CSNK1A1: variants seen among roughly 807,000 people sequenced by gnomAD.
CSNK1A1 encodes the protein casein kinase 1 alpha 1.
CSNK1A1 carries 7 observed loss-of-function variants against 46.1 expected under a neutral mutation model. The observed-to-expected ratio is 0.15, with a 90% CI of 0.09 to 0.29. CSNK1A1 has a LOEUF of 0.29. Among genes scored for constraint, CSNK1A1 ranks in the 10% least tolerant of loss-of-function variants. The pLI is 1.00. For missense variants in CSNK1A1, 96 were observed against 417.1 expected, an observed-to-expected ratio of 0.23 and a Z score of 6.71; for synonymous variants, 137 against 141.5, an observed-to-expected ratio of 0.97 and a Z score of 0.23.
intron 9 of CSNK1A1, chr5:149,502,520 T>TGGGGGGGGGGGG (rs61707983): frequency 4.6e-5 from 1 of 21,896 alleles, no homozygotes; most frequent in Non-Finnish European, 6.5e-5. Flanking sequence ...TTTTTTTTTT[T>TGGGGGGGGGGGG]GGGGGGGGGG....
At chr5:149,516,377 A>T (rs1300984640) in intron 4 of CSNK1A1, among the ~76,000 whole-genome samples, 4 of 152,054 alleles carry the variant, frequency 2.6e-5, no homozygotes, top group Non-Finnish European at 5.9e-5. Context: ...CCAAAAACCA[A>T]AAAAAGTAGG....
chr5:149,497,522 A>G (rs1425863886), intron 9 of CSNK1A1: 18 of 985,492 alleles, frequency 1.8e-5, no homozygotes, highest in Non-Finnish European at 2.0e-5. Context: ...CTCCACCACA[A>G]GTAGACCCTA....
At chr5:149,549,252 G>A (rs186867275) in intron 2 of CSNK1A1, 102 of 505,244 alleles carry the variant, frequency 2.0e-4, no homozygotes, top group East Asian at 1.7e-3. Flanking sequence ...AGTTGGTGCT[G>A]CTCAAACTGC....
intron 2 of CSNK1A1, among the ~76,000 whole-genome samples, chr5:149,538,655 G>A (rs538738135): frequency 1.3e-5 from 2 of 152,294 alleles, no homozygotes; most frequent in African/African-American, 4.8e-5. Flanking sequence ...GGGCACAGCG[G>A]CTCACATCTG....
At chr5:149,515,031 A>T (rs1353006318) in intron 4 of CSNK1A1, among the ~76,000 whole-genome samples, 2 of 152,262 alleles carry the variant, frequency 1.3e-5, no homozygotes, top group African/African-American at 4.8e-5. Flanking sequence ...TATTAAAATG[A>T]GCAAAATACA....
In CSNK1A1 at chr5:149,520,365, C is replaced by G; in HGVS notation, c.381G>C (p.Val127=). The change falls in exon 4 of 10, where the codon GTG becomes GTC. Residue 127 remains valine, a synonymous_variant. Coordinates refer to ENST00000377843, the MANE Select transcript of CSNK1A1 (RefSeq NM_001892.6). ...ADQMISRIEY[V]HTKNFIHRDI... ...CTCTGTGTATAAAATTCTTTGTATG[C>G]ACATATTCAATTCTACTGATCATCT... 6.2e-7 allele frequency: 1 copy of G among 1,603,394 alleles called. No individual in the cohort carries two copies.
At chr5:149,501,407 T>C (rs1030614960) in intron 9 of CSNK1A1, 10 of 985,382 alleles carry the variant, frequency 1.0e-5, no homozygotes. Flanking sequence ...GGTGTGCTGC[T>C]GAGTGACCAG....
At chr5:149,508,815 CTGTT>C (rs1032897912) in intron 7 of CSNK1A1, among the ~76,000 whole-genome samples, 1 of 152,172 alleles carries the variant, frequency 6.6e-6, no homozygotes, top group African/African-American at 2.4e-5. Flanking sequence ...TTTACCTGCC[CTGTT>C]TATTTACCCC....
At chr5:149,536,931 T>C (rs1201829717) in intron 2 of CSNK1A1, among the ~76,000 whole-genome samples, 1 of 152,224 alleles carries the variant, frequency 6.6e-6, no homozygotes, top group East Asian at 1.9e-4. Flanking sequence ...TGTGACTCTG[T>C]GTAAGTGATT....
At position 149,550,053 on chromosome 5, in the gene CSNK1A1, C is replaced by A. The variant is rs755105191; in HGVS notation, c.230+22G>T. On this transcript the variant is annotated intron_variant, in intron 2 of 9. Transcript: ENST00000377843. The surrounding 1 kb of genome is among the most constrained non-coding windows in gnomAD (Gnocchi z 4.3). ...ATTCCGTGCTTCCCTCAGCGGATCG[C>A]CTATATGCACCGGGTTCTTACCGTA... 7.5e-6 allele frequency: 12 copies of A among 1,610,066 alleles called. No individual in the cohort carries two copies. Among genetic ancestry groups the A allele is most frequent in the Middle Eastern group, 1.7e-4 (1 of 5,926 alleles).
chr5:149,550,923 T>A lies in CSNK1A1; in HGVS notation c.42A>T (p.Gly14=). The change falls in exon 1 of 10, where the codon GGA becomes GGT. Residue 14 remains glycine (G), a synonymous_variant. Transcript: ENST00000377843. The surrounding 1 kb of genome is among the most constrained non-coding windows in gnomAD (Gnocchi z 4.3). ...SSGSKAEFIV[G]GKYKLVRKIG... ...TCTTCCGTACCAGTTTATATTTCCC[T>A]CCGACAATGAATTCAGCCTTGGAGC... The A allele has an allele frequency of 1.2e-6, 2 of 1,614,116 alleles. No individual in the cohort carries two copies. The highest frequency in any genetic ancestry group is 1.7e-6 in the Non-Finnish European group (2 of 1,179,998).
rs575392326 is a variant in CSNK1A1, at chr5:149,518,947, GA to G, written c.456+1342del. 2.1e-3 allele frequency among the ~76,000 whole-genome samples: 324 copies of G among 152,080 alleles called. 1 individual carries two copies. The highest frequency in any genetic ancestry group is 7.7e-3 in the African/African-American group (318 of 41,504). ...AAGAAAACAGGAAGGAGAGGGCTGG[GA>G]AATGGCCAAGAAGATTGGAGTCAAA... On this transcript the variant is annotated intron_variant, in intron 4 of 9. Coordinates refer to ENST00000377843, the MANE Select transcript of CSNK1A1 (RefSeq NM_001892.6).
In CSNK1A1 at chr5:149,551,235, CCTCGCTT is replaced by C. The variant is rs761989808; in HGVS notation, c.-278_-272del. On this transcript the variant is annotated 5_prime_UTR_variant, in exon 1 of 10. Coordinates refer to ENST00000377843, the MANE Select transcript of CSNK1A1 (RefSeq NM_001892.6). ...ACTTGTTTCTCGGCGGCCGCCGCTG[CCTCGCTT>C]GCGCGGCGACGTCGCGGGCTGGAAA... 6.7e-5 allele frequency: 22 copies of C among 327,162 alleles called. No individual in the cohort carries two copies. Among genetic ancestry groups the C allele is most frequent in the Non-Finnish European group, 1.1e-4 (20 of 175,406 alleles). The allele number at this position is 327,162 out of a possible 1,614,324, so 20.3% of individuals were successfully genotyped here.
At chr5:149,542,189 C>A (rs181280263) in intron 2 of CSNK1A1, among the ~76,000 whole-genome samples, 1 of 151,842 alleles carries the variant, frequency 6.6e-6, no homozygotes, top group Non-Finnish European at 1.5e-5. Flanking sequence ...CTGCTGTGAA[C>A]TGCACATCAG....
intron 7 of CSNK1A1, among the ~76,000 whole-genome samples, chr5:149,508,381 A>G (rs949246475): frequency 6.6e-6 from 1 of 152,068 alleles, no homozygotes. Context: ...GAGACTGAAA[A>G]CAATCTCACC....
chr5:149,521,691 A>C (rs1479659721), intron 3 of CSNK1A1, among the ~76,000 whole-genome samples: 1 of 150,608 alleles, frequency 6.6e-6, no homozygotes, highest in Admixed American at 6.6e-5. Context: ...ATTTTGGCTC[A>C]CTGCAACCTC....
chr5:149,532,088 A>G (rs1761919365), intron 2 of CSNK1A1, among the ~76,000 whole-genome samples: 1 of 151,900 alleles, frequency 6.6e-6, no homozygotes, highest in South Asian at 2.1e-4. Context: ...CATGTTGGCC[A>G]GGCTGATTTT....
intron 2 of CSNK1A1, among the ~76,000 whole-genome samples, chr5:149,547,242 C>T (rs1475942368): frequency 6.6e-6 from 1 of 152,194 alleles, no homozygotes; most frequent in African/African-American, 2.4e-5. Context: ...CACCCACAGA[C>T]AGCTTATAAC....
chr5:149,514,549 T>C (rs1005471969), intron 4 of CSNK1A1, among the ~76,000 whole-genome samples: 1 of 152,208 alleles, frequency 6.6e-6, no homozygotes, highest in Admixed American at 6.5e-5. Flanking sequence ...CTCCTAAATT[T>C]TGTAGTTCTT....
Sources: gnomAD v4.1 joint callset for allele counts (sites outside exome capture counted in the v4.1 genomes callset) on GRCh38, gnomAD v4.1.1 for gene constraint, Gnocchi (gnomAD v3.1) non-coding constraint, MANE v1.5 for transcripts, NCBI Gene and HGNC (gene_info 2026-07-23, HGNC 2026-07-21) for gene names.